MBP: variants seen among roughly 807,000 people sequenced by gnomAD.
The protein encoded by MBP is myelin basic protein, also known as Golli-MBP.
Under a neutral mutation model 35.8 loss-of-function variants are expected in MBP, and 16 were observed. The observed-to-expected ratio is 0.45, with a 90% CI of 0.30 to 0.68. The LOEUF (loss-of-function observed/expected upper bound fraction) is 0.68, where lower values mean the gene tolerates loss of function less well. Among genes scored for constraint, MBP ranks in the 30% least tolerant of loss-of-function variants. The pLI is 0.08. For missense variants in MBP, 380 were observed against 404.7 expected (o/e 0.94, Z 0.52); for synonymous variants, 143 against 159.6 (o/e 0.90, Z 0.78).
chr18:77,062,724 C>T lies in MBP; in HGVS notation c.139+3574G>A, dbSNP rs78851735. ...TTAGTTGTCTGTTTGTGGTTTTGAG[C>T]ACTCAATGTGTGAACCATAGCAATA... On this transcript the variant is annotated intron_variant, in intron 3 of 8. Transcript: ENST00000355994. Among the ~76,000 whole-genome samples, 1,104 of 152,284 alleles carry T rather than the reference C, an allele frequency of 7.2e-3. 10 individuals carry two copies. Among genetic ancestry groups the T allele is most frequent in the Middle Eastern group, 0.014 (4 of 294 alleles).
intron 1 of MBP, among the ~76,000 whole-genome samples, chr18:77,124,399 C>T (rs1431994942): frequency 1.3e-5 from 2 of 152,234 alleles, no homozygotes; most frequent in Non-Finnish European, 2.9e-5. Context: ...TTGATGTAAA[C>T]ATAAATCGCT....
intron 3 of MBP, among the ~76,000 whole-genome samples, chr18:77,057,824 G>GTTTTTTTTTTTTT (rs780881071): frequency 0.029 from 265 of 9,206 alleles, 104 homozygotes; most frequent in East Asian, 0.069. Flanking sequence ...GGCGGGGAGT[G>GTTTTTTTTTTTTT]TTTTTTTTTT....
chr18:77,065,616 G>A (rs1258487731), intron 3 of MBP, among the ~76,000 whole-genome samples: 2 of 152,160 alleles, frequency 1.3e-5, no homozygotes, highest in African/African-American at 2.4e-5. Context: ...GATAAACACC[G>A]TGGTATCCAG....
chr18:77,091,199 C>T (rs1262464954), intron 2 of MBP, among the ~76,000 whole-genome samples: 1 of 152,210 alleles, frequency 6.6e-6, no homozygotes, highest in Non-Finnish European at 1.5e-5. Context: ...CAATGATCTA[C>T]ACTGCACTTA....
At chr18:77,099,297 A>T (rs1437564968) in intron 2 of MBP, among the ~76,000 whole-genome samples, 2 of 152,184 alleles carry the variant, frequency 1.3e-5, no homozygotes, top group African/African-American at 4.8e-5. Flanking sequence ...TGCTGCCCAG[A>T]CCTACGGTCC....
At chr18:77,016,447 C>T (rs1971643750) in intron 4 of MBP, 8 of 1,058,174 alleles carry the variant, frequency 7.6e-6, no homozygotes, top group Non-Finnish European at 9.2e-6. Context: ...CAGTGTTGAA[C>T]CCCAGCGTGT....
Position 77,118,666 on chromosome 18 carries a change from C to T in MBP, c.-25-13380G>A, listed in dbSNP as rs564411752. ...ACACACCACACACACACACACACTA[C>T]ATACCACACACACACACCACACACA... On this transcript the variant is annotated intron_variant, in intron 1 of 8. Coordinates refer to ENST00000355994, the MANE Select transcript of MBP (RefSeq NM_001025101.2). Among the ~76,000 whole-genome samples, 36 of 123,466 alleles carry T rather than the reference C, an allele frequency of 2.9e-4. No homozygotes were observed. In the East Asian group the frequency reaches 3.9e-3, roughly 13 times the overall value. 81.0% of individuals were successfully genotyped at this position (123,466 alleles called of 152,430 possible). A position where few individuals can be genotyped will look rare whatever the true frequency, so the allele number is the denominator to read the frequency against.
chr18:76,985,344 G>A, intron 7 of MBP: 1 of 1,284,832 alleles, frequency 7.8e-7, no homozygotes, highest in Admixed American at 2.4e-5. Context: ...GGAGGCCCCG[G>A]CCTGCGCCTT....
chr18:77,084,428 A>ACC (rs1975128245), intron 2 of MBP, among the ~76,000 whole-genome samples: 1 of 46,314 alleles, frequency 2.2e-5, no homozygotes, highest in Non-Finnish European at 5.3e-5. Flanking sequence ...CCGCCACACC[A>ACC]CACCACACAC....
chr18:77,081,388 G>T (rs1434580319), intron 2 of MBP, among the ~76,000 whole-genome samples: 1 of 152,002 alleles, frequency 6.6e-6, no homozygotes, highest in African/African-American at 2.4e-5. Flanking sequence ...CGAAAGATGG[G>T]GAAAAAATTT....
chr18:76,998,538 G>A (rs964686965), intron 4 of MBP, among the ~76,000 whole-genome samples: 31 of 151,196 alleles, frequency 2.1e-4, no homozygotes, highest in Admixed American at 1.3e-3. Context: ...GCCCTCGGGT[G>A]ACTCGCAGAA....
chr18:77,015,758 G>A, intron 4 of MBP: 1 of 985,390 alleles, frequency 1.0e-6, no homozygotes, highest in South Asian at 4.7e-5. Context: ...GGAGACTAAA[G>A]CAAATTCTAG....
At chr18:77,030,908 A>G (rs370363672) in intron 3 of MBP, among the ~76,000 whole-genome samples, 1 of 152,204 alleles carries the variant, frequency 6.6e-6, no homozygotes, top group Non-Finnish European at 1.5e-5. Context: ...GCAAAATAAG[A>G]GTCTGCATAG....
intron 1 of MBP, among the ~76,000 whole-genome samples, chr18:77,125,893 A>AC (rs1977033468): frequency 6.6e-6 from 1 of 151,728 alleles, no homozygotes; most frequent in Admixed American, 6.6e-5. Flanking sequence ...GAAACCAAAA[A>AC]AAAAAGAGCT....
chr18:77,015,741 T>G, intron 4 of MBP: 2 of 985,446 alleles, frequency 2.0e-6, no homozygotes, highest in Non-Finnish European at 2.4e-6. Context: ...AATAAAGAAT[T>G]GCAGTTGGAG....
chr18:76,998,079 T>C (rs1970413442), intron 4 of MBP, among the ~76,000 whole-genome samples: 2 of 152,234 alleles, frequency 1.3e-5, no homozygotes, highest in Non-Finnish European at 2.9e-5. Context: ...GTGGCACACA[T>C]CACATTCGCA....
intron 4 of MBP, among the ~76,000 whole-genome samples, chr18:76,997,034 C>T (rs528169396): frequency 6.6e-6 from 1 of 152,316 alleles, no homozygotes; most frequent in Admixed American, 6.5e-5. Context: ...CCTCCCCGAC[C>T]TTTGCCTAGA....
chr18:77,058,596 T>A (rs982978221), intron 3 of MBP, among the ~76,000 whole-genome samples: 1 of 152,150 alleles, frequency 6.6e-6, no homozygotes, highest in Non-Finnish European at 1.5e-5. Flanking sequence ...AAACAGCACT[T>A]TAAGAAACGA....
intron 7 of MBP, chr18:76,987,718 C>T: frequency 1.0e-6 from 1 of 995,338 alleles, no homozygotes; most frequent in Non-Finnish European, 1.2e-6. Context: ...GGTTATTCCT[C>T]CATTTTATTC....
Sources: gnomAD v4.1 joint callset for allele counts (sites outside exome capture counted in the v4.1 genomes callset) on GRCh38, gnomAD v4.1.1 for gene constraint, MANE v1.5 for transcripts, NCBI Gene and HGNC (gene_info 2026-07-23, HGNC 2026-07-21) for gene names.